The following ZDHHC7 variants were observed in gnomAD, a reference collection of about 807,000 sequenced individuals.
The protein encoded by ZDHHC7 is palmitoyltransferase ZDHHC7.
A neutral mutation model predicts 34.1 loss-of-function variants in ZDHHC7; 12 were observed. The observed-to-expected ratio is 0.35, with a 90% CI of 0.23 to 0.57. The LOEUF (loss-of-function observed/expected upper bound fraction) is 0.57. Among genes scored for constraint, ZDHHC7 ranks in the 20% least tolerant of loss-of-function variants. The pLI is 0.84. For synonymous variants in ZDHHC7, 185 were observed against 155.4 expected, an observed-to-expected ratio of 1.19 and a Z score of -1.42; for missense variants, 388 against 402.7, an observed-to-expected ratio of 0.96 and a Z score of 0.31.
At chr16:84,997,413 C>G (rs959924225) in intron 1 of ZDHHC7, among the ~76,000 whole-genome samples, 1 of 150,552 alleles carries the variant, frequency 6.6e-6, no homozygotes, top group African/African-American at 2.4e-5. Flanking sequence ...GGACTACAGG[C>G]GCCCACCACC....
rs138373927 is a variant in ZDHHC7 at position 85,007,422 on chromosome 16, C to CAAA, written c.-104+3861_-104+3863dup. ...TGGGCAACAGAGCGATACTCCATCT[C>CAAA]AAAAAAAAAAAAAAAAAGAATGGAA... On this transcript the variant is annotated intron_variant, in intron 1 of 7. Coordinates refer to ENST00000313732, the MANE Select transcript of ZDHHC7 (RefSeq NM_017740.3). Among the ~76,000 whole-genome samples, 156 of 85,478 alleles carry CAAA rather than the reference C, an allele frequency of 1.8e-3. 3 individuals carry two copies. The highest frequency in any genetic ancestry group is 6.4e-3 in the African/African-American group (141 of 22,106). The allele number at this position is 85,478 out of a possible 152,430, so 56.1% of individuals were successfully genotyped here. A position where few individuals can be genotyped will look rare whatever the true frequency, so the allele number is the denominator to read the frequency against.
intron 3 of ZDHHC7, among the ~76,000 whole-genome samples, chr16:84,989,620 A>C (rs1462135913): frequency 6.7e-6 from 1 of 148,688 alleles, no homozygotes; most frequent in East Asian, 2.0e-4. Context: ...GCTTGAACCC[A>C]GGAGGCAGAG....
the ZDHHC7 span, among the ~76,000 whole-genome samples, chr16:85,021,362 A>C: frequency 6.9e-6 from 1 of 145,372 alleles, no homozygotes; most frequent in South Asian, 2.3e-4. Context: ...CAGTGAGCCA[A>C]GATTATGCCA....
In ZDHHC7 at chr16:84,981,820, C is replaced by A; in HGVS notation, c.440+50G>T. On this transcript the variant is annotated intron_variant, in intron 4 of 7. Coordinates refer to ENST00000313732, the MANE Select transcript of ZDHHC7 (RefSeq NM_017740.3). The stretch of plus-strand genomic sequence containing the variant: ...CACTCTGGTTTAATACAGCAGCACA[C>A]GTACCCGCAGTGGCGGATGCGCTCG... 1.9e-6 allele frequency: 3 copies of A among 1,611,962 alleles called. No individual in the cohort carries two copies. The South Asian group carries it at 3.3e-5, about 18-fold the overall frequency.
At chr16:84,977,779 T>TA in intron 6 of ZDHHC7, 145 bp downstream of exon 6, 1 of 692,184 alleles carries the variant, frequency 1.4e-6, no homozygotes, top group Non-Finnish European at 2.5e-6. Flanking sequence ...TGTTAAAACT[T>TA]AACTAAATTC....
intron 3 of ZDHHC7, among the ~76,000 whole-genome samples, chr16:84,984,496 T>C (rs2072411662): frequency 6.6e-6 from 1 of 152,140 alleles, no homozygotes; most frequent in African/African-American, 2.4e-5. Flanking sequence ...GAGCCATGCA[T>C]GCACTTTTCC....
At chr16:85,020,868 G>A in the ZDHHC7 span, among the ~76,000 whole-genome samples, 2 of 152,144 alleles carry the variant, frequency 1.3e-5, no homozygotes, top group African/African-American at 4.8e-5. Context: ...ATTTTGGGAG[G>A]CTGAGCGGGG....
intron 1 of ZDHHC7, among the ~76,000 whole-genome samples, 164 bp from the exon 2 acceptor site, chr16:84,996,171 G>A (rs1188738318): frequency 1.3e-5 from 2 of 152,106 alleles, no homozygotes; most frequent in Admixed American, 1.3e-4. Context: ...TCTAAGTTTT[G>A]ATTACTAGGT....
At chr16:85,004,415 C>T (rs2143733902) in intron 1 of ZDHHC7, among the ~76,000 whole-genome samples, 1 of 152,280 alleles carries the variant, frequency 6.6e-6, no homozygotes, top group Non-Finnish European at 1.5e-5. Context: ...GCTCACCCAA[C>T]AGTCCAGTCC....
intron 1 of ZDHHC7, among the ~76,000 whole-genome samples, chr16:85,001,813 C>T (rs897233000): frequency 3.9e-5 from 6 of 152,066 alleles, no homozygotes; most frequent in Non-Finnish European, 7.4e-5. Context: ...TGGACTCAAG[C>T]GATCTTCCCA....
intron 3 of ZDHHC7, among the ~76,000 whole-genome samples, chr16:84,983,243 G>A (rs1429607114): frequency 6.6e-6 from 1 of 152,240 alleles, no homozygotes; most frequent in Non-Finnish European, 1.5e-5. Context: ...TGGGGCAAAT[G>A]GAAGGTGGGA....
At chr16:85,025,430 G>T in the ZDHHC7 span, among the ~76,000 whole-genome samples, 5 of 151,854 alleles carry the variant, frequency 3.3e-5, no homozygotes, top group East Asian at 1.9e-4. Context: ...TGGGGGGGGG[G>T]ACTAAGTCTC....
At position 84,983,379 on chromosome 16, in the gene ZDHHC7, G is replaced by T. The variant is rs149330047; in HGVS notation, c.316-1385C>A. ...AGCCACAGATCTGAACCTCTGCAGG[G>T]TGAGGGTTGACATCCAAATTTTAGA... On this transcript the variant is annotated intron_variant, in intron 3 of 7. Coordinates refer to ENST00000313732, the MANE Select transcript of ZDHHC7 (RefSeq NM_017740.3). Among the ~76,000 whole-genome samples the T allele has an allele frequency of 2.9e-3, 440 of 152,306 alleles. 1 individual carries two copies. Among genetic ancestry groups the T allele is most frequent in the African/African-American group, 1.0e-2 (415 of 41,582 alleles).
the ZDHHC7 span, among the ~76,000 whole-genome samples, chr16:85,018,748 C>T: frequency 4.6e-5 from 7 of 152,192 alleles, no homozygotes; most frequent in African/African-American, 1.4e-4. Flanking sequence ...CTGCGCCCAG[C>T]TGGTGTCTTC....
Position 84,981,935 on chromosome 16 carries a change from G to A in ZDHHC7, c.375C>T (p.Pro125=), listed in dbSNP as rs16975086. Residue 125 remains proline (P), a synonymous_variant, in exon 4 of 8, where the codon CCC becomes CCT. Coordinates refer to ENST00000313732, the MANE Select transcript of ZDHHC7 (RefSeq NM_017740.3). ...KEYMESLQLK[P]GEVIYKCPKC... is the part of the protein sequence containing the mutation. ...TGGGGCACTTGTAGATGACTTCCCC[G>A]GGCTTCAGCTGCAAGCTCTCCATGT... is the stretch of plus-strand genomic sequence containing the variant. The A allele has an allele frequency of 0.17, 268,026 of 1,614,030 alleles. 24,493 individuals carry two copies. The highest frequency in any genetic ancestry group is 0.33 in the Admixed American group (19,713 of 60,008).
intron 1 of ZDHHC7, among the ~76,000 whole-genome samples, chr16:84,998,749 C>CTTT (rs71151260): frequency 6.8e-4 from 77 of 112,524 alleles, no homozygotes; most frequent in Non-Finnish European, 8.7e-4. Context: ...CCTTCTGAAC[C>CTTT]TTTTTTTTTT....
At chr16:84,984,956 C>T (rs1032698342) in intron 3 of ZDHHC7, among the ~76,000 whole-genome samples, 1 of 152,244 alleles carries the variant, frequency 6.6e-6, no homozygotes, top group African/African-American at 2.4e-5. Flanking sequence ...ACCGTTTCCT[C>T]TGCACCCATG....
the ZDHHC7 span, among the ~76,000 whole-genome samples, chr16:85,026,380 C>T: frequency 6.6e-6 from 1 of 152,090 alleles, no homozygotes; most frequent in South Asian, 2.1e-4. Flanking sequence ...GGGTATTGGA[C>T]ACAAACTGAA....
In ZDHHC7 at chr16:84,976,306, A is replaced by AAGTCTGTGAGCAAGTTTC; in HGVS notation, c.*19_*36dup. On this transcript the variant is annotated 3_prime_UTR_variant, in exon 8 of 8. Transcript: ENST00000313732. Reference sequence around the variant, plus strand: ...CTTCAGACCCCAAATAAATAACTGGAAGTCTGTGAGCAAGTTTCAGTCTGA... The same window carrying AAGTCTGTGAGCAAGTTTC: ...CTTCAGACCCCAAATAAATAACTGGAAGTCTGTGAGCAAGTTTCAGTCTGTGAGCAAGTTTCAGTCTGA... 1 of 1,607,966 alleles carries AAGTCTGTGAGCAAGTTTC rather than the reference A, an allele frequency of 6.2e-7. No homozygotes were observed. The highest frequency in any genetic ancestry group is 2.2e-5 in the East Asian group (1 of 44,840).
Sources: allele counts gnomAD v4.1 joint callset (sites outside exome capture counted in the v4.1 genomes callset), GRCh38; gene constraint gnomAD v4.1.1; transcripts MANE v1.5; gene names NCBI Gene and HGNC (gene_info 2026-07-23, HGNC 2026-07-21).